Variants in CTAGE1 observed in about 807,000 individuals in gnomAD.
CTAGE1 encodes cutaneous T cell lymphoma-associated antigen 1.
For synonymous variants in CTAGE1, 332 were observed against 302.8 expected, an observed-to-expected ratio of 1.10 and a Z score of -1.00; for missense variants, 963 against 855.9, an observed-to-expected ratio of 1.13 and a Z score of -1.56.
In CTAGE1 at chr18:22,417,504, T is replaced by C. The variant is rs752288748; in HGVS notation, c.308A>G (p.Lys103Arg). The C allele has an allele frequency of 1.2e-6, 2 of 1,614,038 alleles. No individual in the cohort carries two copies. The highest frequency in any genetic ancestry group is 1.7e-6 in the Non-Finnish European group (2 of 1,179,874). ...AAGTTCAGAATTGAACCTGTTCAGC[T>C]TTTCGCAGGTTGCCTCCAAACTTTG... ...EAQSLEATCE[K>R]LNRFNSELVH... is the part of the protein sequence containing the mutation. Residue 103 changes from lysine to arginine, a missense_variant, in exon 1 of 1, where the codon AAG (lysine) becomes AGG (arginine). By Grantham distance (26) the Lys-to-Arg change is conservative. Transcript: ENST00000391403.
chr18:22,416,000 A>G lies in CTAGE1; in HGVS notation c.1812T>C (p.Ser604=). The stretch of plus-strand genomic sequence containing the variant: ...TAAAACTTCTGAGTTCTGCTGGTCC[A>G]GAGAGTCTAGCACAATTAGAATAAA... ...DRFYSNCARL[S]GPAELRSFNM... The change falls in exon 1 of 1, where the codon TCT becomes TCC. Residue 604 remains serine, a synonymous_variant. Coordinates refer to ENST00000391403, the MANE Select transcript of CTAGE1 (RefSeq NM_172241.3). The G allele has an allele frequency of 6.2e-7, 1 of 1,613,972 alleles. No homozygotes were observed. Among genetic ancestry groups the G allele is most frequent in the Non-Finnish European group, 8.5e-7 (1 of 1,179,874 alleles).
In CTAGE1 at chr18:22,416,173, T is replaced by C. The variant is rs1437198246; in HGVS notation, c.1639A>G (p.Ser547Gly). The change falls in exon 1 of 1, where the codon AGC (serine) becomes GGC (glycine). Residue 547 changes from serine (S) to glycine (G), a missense_variant. Physicochemically the swap from Ser to Gly is moderately conservative, Grantham distance 56 (BLOSUM62 0). Transcript: ENST00000391403. Reference protein sequence around the residue: ...HQITKERGESSCDRLTDPHRA... With the variant: ...HQITKERGESGCDRLTDPHRA... ...TGAGGATCAGTTAACCTATCACAGCTTGATTCTCCTCTTTCTTTGGTAATC... is the reference window on the plus strand; with the variant it reads ...TGAGGATCAGTTAACCTATCACAGCCTGATTCTCCTCTTTCTTTGGTAATC... The C allele has an allele frequency of 1.2e-6, 2 of 1,613,954 alleles. No individual in the cohort carries two copies. Among genetic ancestry groups the C allele is most frequent in the Admixed American group, 1.7e-5 (1 of 60,014 alleles).
rs1395231428 is a variant in CTAGE1, at chr18:22,416,758, G to A, written c.1054C>T (p.Leu352Phe). 6.2e-7 allele frequency: 1 copy of A among 1,612,508 alleles called. No homozygotes were observed. The highest frequency in any genetic ancestry group is 2.2e-5 in the East Asian group (1 of 44,852). The stretch of plus-strand genomic sequence containing the variant: ...TGATATAATTCAGTCATTACTTTAA[G>A]TTTCTGCTGAAGCTTCTGATTCTCA... ...ESENQKLQQK[L>F]KVMTELYQEN... Residue 352 changes from leucine to phenylalanine, a missense_variant, in exon 1 of 1, where the codon CTT becomes TTT. Coordinates refer to ENST00000391403, the MANE Select transcript of CTAGE1 (RefSeq NM_172241.3).
Position 22,417,410 on chromosome 18 carries a change from T to C in CTAGE1, c.402A>G (p.Glu134=). 1 of 1,614,018 alleles carries C rather than the reference T, an allele frequency of 6.2e-7. No homozygotes were observed. Among genetic ancestry groups the C allele is most frequent in the South Asian group, 1.1e-5 (1 of 91,082 alleles). ...TCCTTTTGGAAATATCCGCCATCAA[T>C]TCATTTTGTTCAGAATGTTTAGATT... ...EEKSKHSEQN[E]LMADISKRIQ... Residue 134 remains glutamate, a synonymous_variant, in exon 1 of 1, where the codon GAA becomes GAG. Coordinates refer to ENST00000391403, the MANE Select transcript of CTAGE1 (RefSeq NM_172241.3).
chr18:22,416,560 A>T lies in CTAGE1; in HGVS notation c.1252T>A (p.Tyr418Asn). 3.1e-6 allele frequency: 5 copies of T among 1,610,646 alleles called. 1 individual carries two copies. The highest frequency in any genetic ancestry group is 4.2e-6 in the Non-Finnish European group (5 of 1,179,338). The change falls in exon 1 of 1, where the codon TAT becomes AAT. Residue 418 changes from tyrosine to asparagine, a missense_variant. Coordinates refer to ENST00000391403, the MANE Select transcript of CTAGE1 (RefSeq NM_172241.3). ...LKEFEKTIHF[Y>N]QKKIILHEKK... ...TCATGGAGAATAATCTTCTTTTGAT[A>T]AAAATGAATAGTTTTCTCAAATTCT...
rs2035017563 is a variant in CTAGE1, at chr18:22,416,547, ATCT to A, written c.1262_1264del (p.Lys421del). On this transcript the variant is annotated inframe_deletion, in exon 1 of 1. Coordinates refer to ENST00000391403, the MANE Select transcript of CTAGE1 (RefSeq NM_172241.3). The stretch of plus-strand genomic sequence containing the variant: ...ATGTGCTTTTTTCTCATGGAGAATA[ATCT>A]TCTTTTGATAAAAATGAATAGTTTT... The A allele has an allele frequency of 3.1e-6, 5 of 1,611,386 alleles. No homozygotes were observed. The highest frequency in any genetic ancestry group is 2.2e-5 in the East Asian group (1 of 44,892).
Position 22,417,303 on chromosome 18 carries a change from T to A in CTAGE1, c.509A>T (p.Asn170Ile). 1 of 1,614,030 alleles carries A rather than the reference T, an allele frequency of 6.2e-7. No homozygotes were observed. Among genetic ancestry groups the A allele is most frequent in the Non-Finnish European group, 8.5e-7 (1 of 1,179,876 alleles). The part of the protein sequence containing the change: ...AKMTFKRFQA[N>I]EERLEIEIQD... ...TATTTCTATCTCCAACCGTTCTTCATTCGCTTGAAATCTCTTGAAGGTCAT... is the reference window on the plus strand; with the variant it reads ...TATTTCTATCTCCAACCGTTCTTCAATCGCTTGAAATCTCTTGAAGGTCAT... Residue 170 changes from asparagine (N) to isoleucine (I), a missense_variant, in exon 1 of 1, where the codon AAT becomes ATT. Physicochemically the swap from Asn to Ile is moderately radical, Grantham distance 149. Coordinates refer to ENST00000391403, the MANE Select transcript of CTAGE1 (RefSeq NM_172241.3).
At position 22,417,443 on chromosome 18, in the gene CTAGE1, T is replaced by C; in HGVS notation, c.369A>G (p.Lys123=). 1 of 1,614,000 alleles carries C rather than the reference T, an allele frequency of 6.2e-7. No individual in the cohort carries two copies. Among genetic ancestry groups the C allele is most frequent in the Non-Finnish European group, 8.5e-7 (1 of 1,179,854 alleles). Residue 123 remains lysine, a synonymous_variant, in exon 1 of 1, where the codon AAA becomes AAG. Transcript: ENST00000391403. ...HEILCLEKEL[K]EEKSKHSEQN... ...GTTCAGAATGTTTAGATTTCTCTTC[T>C]TTTAACTCTTTTTCTAGACAGAGTA...
rs1198133139 is a variant in CTAGE1 at position 22,415,902 on chromosome 18, T to C, written c.1910A>G (p.Asp637Gly). 4.3e-6 allele frequency: 7 copies of C among 1,613,924 alleles called. No individual in the cohort carries two copies. Among genetic ancestry groups the C allele is most frequent in the African/African-American group, 1.3e-5 (1 of 75,012 alleles). ...EMESSRNDTK[D>G]NLGNLKVPDS... ...AGGCACCTTTAAATTACCAAGATTA[T>C]CTTTGGTATCATTTCTACTGGATTC... The change falls in exon 1 of 1, where the codon GAT (aspartate) becomes GGT (glycine). Residue 637 changes from aspartate (D) to glycine (G), a missense_variant. Transcript: ENST00000391403.
In CTAGE1 at chr18:22,415,283, A is replaced by G. The variant is rs888588753; in HGVS notation, c.*291T>C. On this transcript the variant is annotated 3_prime_UTR_variant, in exon 1 of 1. Coordinates refer to ENST00000391403, the MANE Select transcript of CTAGE1 (RefSeq NM_172241.3). The stretch of plus-strand genomic sequence containing the variant: ...ATAATAGTGGATTAATCAAATTAAA[A>G]GTTATACTATCTAGAATAAAATAAA... 2 of 321,976 alleles carry G rather than the reference A, an allele frequency of 6.2e-6. No individual in the cohort carries two copies. Among genetic ancestry groups the G allele is most frequent in the Non-Finnish European group, 1.1e-5 (2 of 178,810 alleles). The allele number at this position is 321,976 out of a possible 1,614,324, so 19.9% of individuals were successfully genotyped here.
Position 22,414,840 on chromosome 18 carries a change from T to C in CTAGE1, c.*734A>G, listed in dbSNP as rs1314638751. Reference sequence around the variant, plus strand: ...AAATAACAACACAATTATGTAATGATATGATGACAAACATAGGAAGAAATT... The same window carrying C: ...AAATAACAACACAATTATGTAATGACATGATGACAAACATAGGAAGAAATT... On this transcript the variant is annotated 3_prime_UTR_variant, in exon 1 of 1. Coordinates refer to ENST00000391403, the MANE Select transcript of CTAGE1 (RefSeq NM_172241.3). 2.9e-6 allele frequency: 2 copies of C among 700,544 alleles called. No homozygotes were observed. Among genetic ancestry groups the C allele is most frequent in the South Asian group, 3.0e-5 (2 of 67,034 alleles). The allele number at this position is 700,544 out of a possible 1,614,324, so 43.4% of individuals were successfully genotyped here.
In CTAGE1 at chr18:22,415,603, C is replaced by G. The variant is rs1196317712; in HGVS notation, c.2209G>C (p.Ala737Pro). The G allele has an allele frequency of 6.2e-7, 1 of 1,607,606 alleles. No homozygotes were observed. The highest frequency in any genetic ancestry group is 1.1e-5 in the South Asian group (1 of 90,224). The change falls in exon 1 of 1, where the codon GCA becomes CCA. Residue 737 changes from alanine to proline, a missense_variant. By Grantham distance (27) the Ala-to-Pro change is conservative (BLOSUM62 -1). Coordinates refer to ENST00000391403, the MANE Select transcript of CTAGE1 (RefSeq NM_172241.3). Reference sequence around the variant, plus strand: ...AATGTGGGGGCTGGGGGGAAAAATGCAGGTCTTGGGGGACGGTAAGGAAGA... The same window carrying G: ...AATGTGGGGGCTGGGGGGAAAAATGGAGGTCTTGGGGGACGGTAAGGAAGA... ...GFLPYRPPRP[A>P]FFPPAPTF
chr18:22,416,666 C>A lies in CTAGE1; in HGVS notation c.1146G>T (p.Glu382Asp), dbSNP rs201703390. Residue 382 changes from glutamate to aspartate, a missense_variant, in exon 1 of 1, where the codon GAG (glutamate) becomes GAT (aspartate). Coordinates refer to ENST00000391403, the MANE Select transcript of CTAGE1 (RefSeq NM_172241.3). ...VEEKCRLEKE[E>D]KLSKVDEMIS... ...TCATTTCGTCTACTTTAGAAAGTTT[C>A]TCTTCTTTCTCTAACCGGCATTTTT... 6.2e-7 allele frequency: 1 copy of A among 1,613,940 alleles called. No individual in the cohort carries two copies.
At position 22,416,406 on chromosome 18, in the gene CTAGE1, T is replaced by C; in HGVS notation, c.1406A>G (p.Lys469Arg). The C allele has an allele frequency of 2.5e-6, 4 of 1,613,734 alleles. No homozygotes were observed. Among genetic ancestry groups the C allele is most frequent in the East Asian group, 2.2e-5 (1 of 44,880 alleles). The change falls in exon 1 of 1, where the codon AAA becomes AGA. Residue 469 changes from lysine to arginine, a missense_variant. Coordinates refer to ENST00000391403, the MANE Select transcript of CTAGE1 (RefSeq NM_172241.3). ...TGGAACATCAAGTCCATAAGGATCT[T>C]TTTCTAAAAGTTTTATTTTAAACTC... ...EIEFKIKLLEKDPYGLDVPNT... is the reference protein window; with the variant it reads ...EIEFKIKLLERDPYGLDVPNT...
At position 22,417,651 on chromosome 18, in the gene CTAGE1, C is replaced by T. The variant is rs368675297; in HGVS notation, c.161G>A (p.Gly54Glu). ...REKKFAVALSGLIEEKCKLLE... is the reference protein window; with the variant it reads ...REKKFAVALSELIEEKCKLLE... The stretch of plus-strand genomic sequence containing the variant: ...TAGTTTACATTTTTCTTCAATTAGT[C>T]CAGAAAGTGCCACAGCAAACTTTTT... The change falls in exon 1 of 1, where the codon GGA becomes GAA. Residue 54 changes from glycine (G) to glutamate (E), a missense_variant. Physicochemically the swap from Gly to Glu is moderately conservative, Grantham distance 98. Coordinates refer to ENST00000391403, the MANE Select transcript of CTAGE1 (RefSeq NM_172241.3). 4.6e-5 allele frequency: 75 copies of T among 1,613,902 alleles called. No individual in the cohort carries two copies. The highest frequency in any genetic ancestry group is 6.3e-5 in the Non-Finnish European group (74 of 1,179,910).
Position 22,414,536 on chromosome 18 carries a change from C to T in CTAGE1, c.*1038G>A, listed in dbSNP as rs1002673509. The T allele has an allele frequency of 2.7e-5, 16 of 594,018 alleles. No individual in the cohort carries two copies. The highest frequency in any genetic ancestry group is 7.5e-5 in the African/African-American group (4 of 53,662). The allele number at this position is 594,018 out of a possible 1,614,324, so 36.8% of individuals were successfully genotyped here. A position where few individuals can be genotyped will look rare whatever the true frequency, so the allele number is the denominator to read the frequency against. ...GAAGGACTAATCCAAAATTTGAGGG[C>T]GTCTCTCAGGGAACACGATACATTT... On this transcript the variant is annotated 3_prime_UTR_variant, in exon 1 of 1. Coordinates refer to ENST00000391403, the MANE Select transcript of CTAGE1 (RefSeq NM_172241.3).
chr18:22,414,527 A>C lies in CTAGE1; in HGVS notation c.*1047T>G. 1.7e-6 allele frequency: 1 copy of C among 595,348 alleles called. No individual in the cohort carries two copies. Among genetic ancestry groups the C allele is most frequent in the East Asian group, 2.8e-5 (1 of 36,060 alleles). 36.9% of individuals were successfully genotyped at this position (595,348 alleles called of 1,614,324 possible). A position where few individuals can be genotyped will look rare whatever the true frequency, so the allele number is the denominator to read the frequency against. On this transcript the variant is annotated 3_prime_UTR_variant, in exon 1 of 1. Coordinates refer to ENST00000391403, the MANE Select transcript of CTAGE1 (RefSeq NM_172241.3). ...AGCTTGCATGAAGGACTAATCCAAA[A>C]TTTGAGGGCGTCTCTCAGGGAACAC...
At position 22,416,555 on chromosome 18, in the gene CTAGE1, T is replaced by G; in HGVS notation, c.1257A>C (p.Gln419His). 1 of 1,610,732 alleles carries G rather than the reference T, an allele frequency of 6.2e-7. No homozygotes were observed. Residue 419 changes from glutamine to histidine, a missense_variant, in exon 1 of 1, where the codon CAA (glutamine) becomes CAC (histidine). Transcript: ENST00000391403. ...TTTTCTCATGGAGAATAATCTTCTT[T>G]TGATAAAAATGAATAGTTTTCTCAA... Reference protein sequence around the residue: ...KEFEKTIHFYQKKIILHEKKA... With the variant: ...KEFEKTIHFYHKKIILHEKKA...
chr18:22,414,915 T>C lies in CTAGE1; in HGVS notation c.*659A>G. The C allele has an allele frequency of 1.5e-6, 1 of 657,306 alleles. No homozygotes were observed. The highest frequency in any genetic ancestry group is 2.7e-6 in the Non-Finnish European group (1 of 368,930). The allele number at this position is 657,306 out of a possible 1,614,324, so 40.7% of individuals were successfully genotyped here. On this transcript the variant is annotated 3_prime_UTR_variant, in exon 1 of 1. Coordinates refer to ENST00000391403, the MANE Select transcript of CTAGE1 (RefSeq NM_172241.3). ...AAAGGGAGGGCGAAGAAACCATTCT[T>C]GAGGAAAACAGAGGAAACACGAATA...
Sources: allele counts gnomAD v4.1 joint callset, GRCh38; gene constraint gnomAD v4.1.1; transcripts MANE v1.5; gene names NCBI Gene and HGNC (gene_info 2026-07-23, HGNC 2026-07-21).